Variants in SASS6 observed in about 807,000 individuals in gnomAD.
The protein encoded by SASS6 is spindle assembly abnormal protein 6 homolog.
In SASS6, 59 loss-of-function variants were observed where a neutral mutation model predicts 94.9. The observed-to-expected ratio is 0.62, with a 90% CI of 0.50 to 0.77. The LOEUF (loss-of-function observed/expected upper bound fraction) is 0.77, where lower values mean the gene tolerates loss of function less well. SASS6 is among the 30% of genes least tolerant of loss of function. SASS6 has a pLI of 0.00. For missense variants in SASS6, 698 were observed against 734.1 expected, an observed-to-expected ratio of 0.95 and a Z score of 0.57; for synonymous variants, 264 against 270.0, an observed-to-expected ratio of 0.98 and a Z score of 0.22.
intron 14 of SASS6, among the ~76,000 whole-genome samples, chr1:100,092,835 A>C (rs1030147730): frequency 6.6e-6 from 1 of 152,050 alleles, no homozygotes; most frequent in Admixed American, 6.6e-5. Flanking sequence ...TCGGCCTCCC[A>C]AAGTGCTTGG....
chr1:100,110,983 A>C (rs1653284727), intron 7 of SASS6, among the ~76,000 whole-genome samples: 1 of 152,036 alleles, frequency 6.6e-6, no homozygotes, highest in Admixed American at 6.5e-5. Flanking sequence ...GTCCAATCTT[A>C]TAGTCATTTT....
At chr1:100,129,649 C>G (rs948091049) in intron 1 of SASS6, among the ~76,000 whole-genome samples, 1 of 152,080 alleles carries the variant, frequency 6.6e-6, no homozygotes, top group African/African-American at 2.4e-5. Context: ...GGATTTAAGA[C>G]ATACCTGAAA....
At chr1:100,087,891 G>A (rs534689555) in intron 15 of SASS6, among the ~76,000 whole-genome samples, 6 of 152,218 alleles carry the variant, frequency 3.9e-5, no homozygotes, top group African/African-American at 1.4e-4. Context: ...TTCAACAAAC[G>A]AAATTTTACT....
Position 100,119,033 on chromosome 1 carries a change from C to A in SASS6, c.654G>T (p.Lys218Asn). The A allele has an allele frequency of 6.4e-7, 1 of 1,574,602 alleles. No individual in the cohort carries two copies. Among genetic ancestry groups the A allele is most frequent in the Non-Finnish European group, 8.6e-7 (1 of 1,157,442 alleles). Reference sequence around the variant, plus strand: ...ATGTTCTTACCTGCAAGGCTTTTTCCTTTTCATTTGTCAGTTCCTGAGAAT... The same window carrying A: ...ATGTTCTTACCTGCAAGGCTTTTTCATTTTCATTTGTCAGTTCCTGAGAAT... Reference protein sequence around the residue: ...NKHSQELTNEKEKALQAQVQY... With the variant: ...NKHSQELTNENEKALQAQVQY... The change falls in exon 7 of 17, where the codon AAG becomes AAT. Residue 218 changes from lysine (K) to asparagine (N), a missense_variant. Lys to Asn is a moderately conservative substitution (Grantham distance 94). Coordinates refer to ENST00000287482, the MANE Select transcript of SASS6 (RefSeq NM_194292.3).
In SASS6 at chr1:100,085,695, T is replaced by A. The variant is rs1366713993; in HGVS notation, c.1773-65A>T. The A allele has an allele frequency of 1.1e-5, 10 of 872,896 alleles. No homozygotes were observed. The Admixed American group carries it at 2.0e-4, about 18-fold the overall frequency. The allele number at this position is 872,896 out of a possible 1,614,324, so 54.1% of individuals were successfully genotyped here. Reference sequence around the variant, plus strand: ...TTATTAACTTTGAAGGTTTATCTCATATGTATACATATATATAAGATAATG... The same window carrying A: ...TTATTAACTTTGAAGGTTTATCTCAAATGTATACATATATATAAGATAATG... On this transcript the variant is annotated intron_variant, in intron 15 of 16. Coordinates refer to ENST00000287482, the MANE Select transcript of SASS6 (RefSeq NM_194292.3).
At chr1:100,092,122 G>A (rs1199336615) in intron 14 of SASS6, among the ~76,000 whole-genome samples, 2 of 148,956 alleles carry the variant, frequency 1.3e-5, no homozygotes, top group Non-Finnish European at 3.0e-5. Flanking sequence ...AGTCAAATAA[G>A]TTCAAAATCC....
chr1:100,085,532 T>G lies in SASS6; in HGVS notation c.1867+4A>C, dbSNP rs565694175. 1.1e-5 allele frequency: 18 copies of G among 1,605,756 alleles called. No individual in the cohort carries two copies. Among genetic ancestry groups the G allele is most frequent in the Non-Finnish European group, 1.4e-5 (17 of 1,172,884 alleles). On this transcript the variant is annotated splice_donor_region_variant and intron_variant, in intron 16 of 16. Coordinates refer to ENST00000287482, the MANE Select transcript of SASS6 (RefSeq NM_194292.3). Reference sequence around the variant, plus strand: ...AGTACAAAAATCCAGAAATCCCTGCTTACCTGAATTACTAAATAGGTTCTG... The same window carrying G: ...AGTACAAAAATCCAGAAATCCCTGCGTACCTGAATTACTAAATAGGTTCTG...
chr1:100,121,902 T>C (rs1010525797), intron 4 of SASS6, among the ~76,000 whole-genome samples: 6 of 152,204 alleles, frequency 3.9e-5, no homozygotes, highest in African/African-American at 1.2e-4. Context: ...ATAGCCCTAA[T>C]TGCTGAGGAA....
intron 14 of SASS6, among the ~76,000 whole-genome samples, chr1:100,093,470 A>G (rs531359119): frequency 6.6e-6 from 1 of 152,250 alleles, no homozygotes; most frequent in East Asian, 1.9e-4. Context: ...GTGTACTTGA[A>G]AAGAATAGGG....
chr1:100,084,158 A>T lies in SASS6; in HGVS notation c.*1170T>A, dbSNP rs1570676534. Reference sequence around the variant, plus strand: ...CTGGCTTCGTAAAAAAAAAAAAAAAATTAGCAAAGATTCTTTCTTACCATG... The same window carrying T: ...CTGGCTTCGTAAAAAAAAAAAAAAATTTAGCAAAGATTCTTTCTTACCATG... On this transcript the variant is annotated 3_prime_UTR_variant, in exon 17 of 17. Transcript: ENST00000287482. The T allele has an allele frequency of 6.6e-6, 1 of 151,722 alleles. No homozygotes were observed. Among genetic ancestry groups the T allele is most frequent in the East Asian group, 1.9e-4 (1 of 5,198 alleles). 9.4% of individuals were successfully genotyped at this position (151,722 alleles called of 1,614,324 possible).
intron 14 of SASS6, among the ~76,000 whole-genome samples, chr1:100,097,073 C>T (rs1652154855): frequency 1.3e-5 from 2 of 152,050 alleles, no homozygotes; most frequent in Admixed American, 6.6e-5. Flanking sequence ...TGAGATTGCA[C>T]CACTGCACTC....
intron 15 of SASS6, among the ~76,000 whole-genome samples, chr1:100,086,766 G>A (rs1007663762): frequency 1.5e-4 from 22 of 148,030 alleles, no homozygotes; most frequent in Admixed American, 2.7e-4. Context: ...CTGCAGTCTT[G>A]ACCTCCCAGA....
chr1:100,090,186 G>A (rs929539906), intron 14 of SASS6, among the ~76,000 whole-genome samples: 4 of 151,918 alleles, frequency 2.6e-5, no homozygotes, highest in African/African-American at 9.7e-5. Context: ...GCAAGAAACA[G>A]GACATATAGA....
At chr1:100,101,880 A>G (rs1262036729) in intron 14 of SASS6, among the ~76,000 whole-genome samples, 1 of 152,242 alleles carries the variant, frequency 6.6e-6, no homozygotes, top group East Asian at 1.9e-4. Flanking sequence ...CCTAAGCAAC[A>G]CAGCCAACTT....
In SASS6 at chr1:100,107,725, A is replaced by G. The variant is rs1303058027; in HGVS notation, c.1057-8T>C. ...ATTTTCTTCTAAAACCACCTGATAT[A>G]TTTTTTAAAAACATGAATAATTAGG... On this transcript the variant is annotated splice_region_variant and splice_polypyrimidine_tract_variant and intron_variant, in intron 9 of 16. Coordinates refer to ENST00000287482, the MANE Select transcript of SASS6 (RefSeq NM_194292.3). 3.2e-6 allele frequency: 5 copies of G among 1,581,380 alleles called. No individual in the cohort carries two copies.
intron 14 of SASS6, among the ~76,000 whole-genome samples, chr1:100,092,156 A>T (rs1277856646): frequency 6.6e-6 from 1 of 151,020 alleles, no homozygotes; most frequent in Non-Finnish European, 1.5e-5. Flanking sequence ...TCATTGTTAA[A>T]CTGTGAAAAA....
At position 100,125,102 on chromosome 1, in the gene SASS6, C is replaced by G. The variant is rs1054865857; in HGVS notation, c.126+780G>C. On this transcript the variant is annotated intron_variant, in intron 2 of 16. Transcript: ENST00000287482. ...TCACACTTTTGAAGGTTATATGAGACTGATACTCTAAATGCCTCTCTTCAA... is the reference window on the plus strand; with the variant it reads ...TCACACTTTTGAAGGTTATATGAGAGTGATACTCTAAATGCCTCTCTTCAA... 3.9e-5 allele frequency among the ~76,000 whole-genome samples: 6 copies of G among 152,126 alleles called. No individual in the cohort carries two copies. The East Asian group carries it at 1.2e-3, about 29-fold the overall frequency.
At chr1:100,117,021 C>T (rs1477271272) in intron 7 of SASS6, among the ~76,000 whole-genome samples, 1 of 152,112 alleles carries the variant, frequency 6.6e-6, no homozygotes, top group East Asian at 1.9e-4. Context: ...AGGCTGGGCA[C>T]AGTGGCTCAC....
In SASS6 at chr1:100,085,128, C is replaced by T. The variant is rs1483308282; in HGVS notation, c.*200G>A. 18 of 496,530 alleles carry T rather than the reference C, an allele frequency of 3.6e-5. No individual in the cohort carries two copies. Among genetic ancestry groups the T allele is most frequent in the Non-Finnish European group, 6.1e-5 (17 of 277,886 alleles). The allele number at this position is 496,530 out of a possible 1,614,324, so 30.8% of individuals were successfully genotyped here. ...TTCACAAACCAAAAAATGTCATTTA[C>T]TCACAATCTTTACCAATCCCCAAGT... On this transcript the variant is annotated 3_prime_UTR_variant, in exon 17 of 17. Coordinates refer to ENST00000287482, the MANE Select transcript of SASS6 (RefSeq NM_194292.3).
Sources: allele counts gnomAD v4.1 joint callset (sites outside exome capture counted in the v4.1 genomes callset), GRCh38; gene constraint gnomAD v4.1.1; transcripts MANE v1.5; gene names NCBI Gene and HGNC (gene_info 2026-07-23, HGNC 2026-07-21).